Variants in SCUBE2 observed in about 807,000 individuals in gnomAD.
SCUBE2 encodes signal peptide, CUB domain and EGF like domain containing 2, also known as signal peptide, CUB and EGF-like domain-containing protein 2.
In SCUBE2, 114 loss-of-function variants were observed where a neutral mutation model predicts 125.9. The ratio of observed to expected loss-of-function variants is 0.91; its 90% confidence interval spans 0.78 to 1.06. The LOEUF is 1.06. Ranked by LOEUF, SCUBE2 falls within the 50% of genes least tolerant of loss-of-function variation. The pLI is 0.00. For missense variants in SCUBE2, 1,255 were observed against 1,301.8 expected (o/e 0.96, Z 0.55); for synonymous variants, 459 against 492.9 (o/e 0.93, Z 0.91).
intron 3 of SCUBE2, among the ~76,000 whole-genome samples, chr11:9,078,907 G>A (rs1207828681): frequency 6.6e-6 from 1 of 152,132 alleles, no homozygotes; most frequent in Non-Finnish European, 1.5e-5. Flanking sequence ...TTTCTGTTTT[G>A]TGGAATACTA....
chr11:9,026,594 C>A (rs1180132749), intron 20 of SCUBE2: 3 of 151,000 alleles, frequency 2.0e-5, no homozygotes, highest in African/African-American at 7.3e-5. Flanking sequence ...CAGGCATGCA[C>A]CATCATGCCC....
At chr11:9,030,974 T>C (rs1856253069) in intron 17 of SCUBE2, 49 bp from the exon 18 acceptor site, 2 of 1,557,304 alleles carry the variant, frequency 1.3e-6, no homozygotes, top group Admixed American at 1.8e-5. Flanking sequence ...GGCAGACCCT[T>C]GCTCCCCACT....
At chr11:9,053,309 A>G in intron 11 of SCUBE2, 94 bp from the exon 12 acceptor site, 1 of 1,035,720 alleles carries the variant, frequency 9.7e-7, no homozygotes. Context: ...GCCCCAAGAA[A>G]AGAAGGTAGA....
chr11:9,046,065 G>A (rs891527515), intron 16 of SCUBE2, among the ~76,000 whole-genome samples: 2 of 147,406 alleles, frequency 1.4e-5, no homozygotes, highest in Admixed American at 6.8e-5. Flanking sequence ...GGAGTGCAGT[G>A]GCACGATCTC....
At chr11:9,024,286 T>C in intron 21 of SCUBE2, 1 of 1,105,206 alleles carries the variant, frequency 9.0e-7, no homozygotes. Flanking sequence ...AGGTTGCCAG[T>C]TGGTTGCTTT....
In SCUBE2 at chr11:9,074,480, C is replaced by T. The variant is rs1346215619; in HGVS notation, c.517+1G>A. The T allele has an allele frequency of 3.7e-6, 6 of 1,613,938 alleles. No homozygotes were observed. In the African/African-American group the frequency reaches 5.3e-5, roughly 14 times the overall value. On this transcript the variant is annotated splice_donor_variant, in intron 4 of 22. Transcript: ENST00000649792. LOFTEE classifies it high-confidence loss of function. ...CCCCATCCACAGCTGGGCAGAGGTA[C>T]CTTCCGAGCGGTGAATGCAGGTGTG...
At chr11:9,081,675 A>C (rs910106085) in intron 2 of SCUBE2, among the ~76,000 whole-genome samples, 1 of 106,858 alleles carries the variant, frequency 9.4e-6, no homozygotes, top group African/African-American at 3.9e-5. Flanking sequence ...CAAACAAACA[A>C]AAAAAAAAAA....
At chr11:9,059,892 T>A (rs1016862211) in intron 8 of SCUBE2, among the ~76,000 whole-genome samples, 2 of 152,236 alleles carry the variant, frequency 1.3e-5, no homozygotes, top group African/African-American at 4.8e-5. Context: ...TTTCCCAGTT[T>A]CGTCTGGCAA....
intron 10 of SCUBE2, 105 bp downstream of exon 10, chr11:9,055,688 A>G: frequency 1.2e-6 from 1 of 813,000 alleles, no homozygotes. Flanking sequence ...ACTGCAATGT[A>G]CCTTTCATAC....
At chr11:9,073,469 C>T (rs919404818) in intron 4 of SCUBE2, among the ~76,000 whole-genome samples, 1 of 152,152 alleles carries the variant, frequency 6.6e-6, no homozygotes, top group Non-Finnish European at 1.5e-5. Context: ...AAGGTGTGAG[C>T]TGCCATCCTT....
chr11:9,085,327 T>C (rs1364945463), intron 2 of SCUBE2, among the ~76,000 whole-genome samples: 1 of 152,206 alleles, frequency 6.6e-6, no homozygotes, highest in Non-Finnish European at 1.5e-5. Context: ...GTTGTTAACA[T>C]TAGGGTAAAA....
At chr11:9,070,999 C>G (rs1265695313) in intron 4 of SCUBE2, among the ~76,000 whole-genome samples, 3 of 152,194 alleles carry the variant, frequency 2.0e-5, no homozygotes, top group Non-Finnish European at 4.4e-5. Context: ...AAAGCTTTCT[C>G]TTGCTCTGGC....
chr11:9,059,192 A>T, intron 9 of SCUBE2, 111 bp downstream of exon 9: 2 of 1,256,136 alleles, frequency 1.6e-6, no homozygotes, highest in Non-Finnish European at 2.2e-6. Context: ...AGATTGGATT[A>T]GTGGCCCTGT....
At chr11:9,058,113 C>T (rs77443412) in intron 9 of SCUBE2, among the ~76,000 whole-genome samples, 4,058 of 152,240 alleles carry the variant, frequency 0.027, 75 homozygotes, top group Middle Eastern at 0.085. Context: ...TCCCCACAAG[C>T]CCTCCCCCTC....
intron 19 of SCUBE2, among the ~76,000 whole-genome samples, chr11:9,029,239 C>T (rs558005723): frequency 6.6e-6 from 1 of 152,214 alleles, no homozygotes; most frequent in African/African-American, 2.4e-5. Flanking sequence ...AAACCGGTCT[C>T]CTCAGCATCC....
chr11:9,049,055 T>C (rs990595893), intron 14 of SCUBE2, among the ~76,000 whole-genome samples: 22 of 152,320 alleles, frequency 1.4e-4, no homozygotes, highest in African/African-American at 5.3e-4. Flanking sequence ...TGTTTCCATA[T>C]ATATTTTTTT....
At chr11:9,033,580 G>T in intron 17 of SCUBE2, 46 bp downstream of exon 17, 1 of 1,585,474 alleles carries the variant, frequency 6.3e-7, no homozygotes, top group South Asian at 1.1e-5. Flanking sequence ...TCTAAACAAT[G>T]ACATCAGAGA....
At chr11:9,029,851 C>T (rs759107556) in intron 19 of SCUBE2, 33 bp downstream of exon 19, 20 of 1,613,150 alleles carry the variant, frequency 1.2e-5, no homozygotes, top group Non-Finnish European at 1.5e-5. Flanking sequence ...TCTTCTTAGC[C>T]AGAACTATGA....
intron 19 of SCUBE2, among the ~76,000 whole-genome samples, 187 bp downstream of exon 19, chr11:9,029,697 G>A (rs541626537): frequency 1.3e-5 from 2 of 152,340 alleles, no homozygotes; most frequent in South Asian, 4.1e-4. Flanking sequence ...CAATAAAGAT[G>A]AGTCGCTCTG....
Sources: gnomAD v4.1 joint callset for allele counts (sites outside exome capture counted in the v4.1 genomes callset) on GRCh38, gnomAD v4.1.1 for gene constraint, MANE v1.5 for transcripts, NCBI Gene and HGNC (gene_info 2026-07-23, HGNC 2026-07-21) for gene names.